ZNF597: variants seen among roughly 807,000 people sequenced by gnomAD.
ZNF597 encodes zinc finger protein 597.
Under a neutral mutation model 7.3 loss-of-function variants are expected in ZNF597, and 5 were observed. The ratio of observed to expected loss-of-function variants is 0.68; its 90% CI spans 0.36 to 1.44. ZNF597 has a LOEUF of 1.44. Among genes scored for constraint, ZNF597 ranks in the 40% most tolerant of loss-of-function variants. The pLI is 0.04. For synonymous variants in ZNF597, 209 were observed against 185.4 expected, an observed-to-expected ratio of 1.13 and a Z score of -1.04; for missense variants, 585 against 517.9, an observed-to-expected ratio of 1.13 and a Z score of -1.26.
At chr16:3,443,335 C>A in intron 1 of ZNF597, 25 bp downstream of exon 1, 1 of 625,448 alleles carries the variant, frequency 1.6e-6, no homozygotes, top group Non-Finnish European at 2.7e-6. Flanking sequence ...TCCTCTTGGC[C>A]CGGCCTCGAA....
intron 1 of ZNF597, 73 bp from the exon 2 acceptor site, chr16:3,443,279 T>TCGATTCCCTC (rs1452012067): frequency 1.0e-6 from 1 of 953,958 alleles, no homozygotes; most frequent in East Asian, 2.8e-5. Context: ...CTAGCCTCCC[T>TCGATTCCCTC]CGATTCCCTC....
chr16:3,437,183 A>C lies in ZNF597; in HGVS notation c.516T>G (p.Val172=), dbSNP rs765770595. The C allele has an allele frequency of 1.4e-5, 22 of 1,614,048 alleles. No homozygotes were observed. The highest frequency in any genetic ancestry group is 1.7e-5 in the Non-Finnish European group (20 of 1,180,042). The part of the protein sequence containing the change: ...DQNFSDHSYL[V]LHQKIHSGEK... ...CTCCTGAATGAATTTTCTGATGCAA[A>C]ACTAGGTATGAATGATCGCTGAAGT... The change falls in exon 4 of 4, where the codon GTT becomes GTG. Residue 172 remains valine, a synonymous_variant. Transcript: ENST00000301744.
chr16:3,439,181 C>G (rs2034337242), intron 3 of ZNF597, among the ~76,000 whole-genome samples: 1 of 151,910 alleles, frequency 6.6e-6, no homozygotes, highest in Non-Finnish European at 1.5e-5. Flanking sequence ...GAGCTCGAGA[C>G]CAGCCTGGGC....
chr16:3,441,178 T>C (rs1295867151), intron 2 of ZNF597, among the ~76,000 whole-genome samples: 1 of 152,176 alleles, frequency 6.6e-6, no homozygotes, highest in African/African-American at 2.4e-5. Flanking sequence ...TGAGAATTAT[T>C]GTCTATCTTG....
At chr16:3,443,057 G>A in intron 2 of ZNF597, 64 bp downstream of exon 2, 7 of 1,602,866 alleles carry the variant, frequency 4.4e-6, no homozygotes, top group Non-Finnish European at 6.0e-6. Flanking sequence ...CTCCTCCAAA[G>A]GAGGGGGTCA....
chr16:3,433,666 T>C lies in ZNF597; in HGVS notation c.*2758A>G, dbSNP rs2034274199. The stretch of plus-strand genomic sequence containing the variant: ...TAAACAGAAGGGTGAAATGCCATCA[T>C]CATAAAAAGCCTGAAGCTCACCAGC... On this transcript the variant is annotated 3_prime_UTR_variant, in exon 4 of 4. Transcript: ENST00000301744. 6.6e-6 allele frequency: 1 copy of C among 152,240 alleles called. No individual in the cohort carries two copies. Among genetic ancestry groups the C allele is most frequent in the Non-Finnish European group, 1.5e-5 (1 of 68,038 alleles). The allele number at this position is 152,240 out of a possible 1,614,324, so 9.4% of individuals were successfully genotyped here.
In ZNF597 at chr16:3,441,029, C is replaced by A. The variant is rs78646901; in HGVS notation, c.34-96G>T. On this transcript the variant is annotated intron_variant, in intron 2 of 3. Transcript: ENST00000301744. Reference sequence around the variant, plus strand: ...AAAAGAGCTAGAAACATCAGATGCACGGGATAAAAGGCTCGGTGTAAAAGG... The same window carrying A: ...AAAAGAGCTAGAAACATCAGATGCAAGGGATAAAAGGCTCGGTGTAAAAGG... The A allele has an allele frequency of 4.5e-3, 6,745 of 1,496,898 alleles. 247 individuals are homozygous for A. In the African/African-American group the frequency reaches 0.084, roughly 19 times the overall value. The allele number at this position is 1,496,898 out of a possible 1,614,324, so 92.7% of individuals were successfully genotyped here. A position where few individuals can be genotyped will look rare whatever the true frequency, so the allele number is the denominator to read the frequency against.
chr16:3,439,128 C>T (rs1291245050), intron 3 of ZNF597, among the ~76,000 whole-genome samples: 1 of 152,098 alleles, frequency 6.6e-6, no homozygotes, highest in Non-Finnish European at 1.5e-5. Context: ...CCTGTAATCC[C>T]AGCACATTGG....
At chr16:3,443,008 G>C in intron 2 of ZNF597, 113 bp downstream of exon 2, 1 of 1,288,864 alleles carries the variant, frequency 7.8e-7, no homozygotes, top group Admixed American at 1.7e-5. Flanking sequence ...GGCTATTTGG[G>C]GCTCAGGAGC....
chr16:3,440,063 C>G (rs996429266), intron 3 of ZNF597, among the ~76,000 whole-genome samples: 2 of 151,948 alleles, frequency 1.3e-5, no homozygotes, highest in African/African-American at 4.8e-5. Context: ...TTTAGAATAA[C>G]TACTTAGAAT....
rs542463824 is a variant in ZNF597, at chr16:3,434,451, G to A, written c.*1973C>T. On this transcript the variant is annotated 3_prime_UTR_variant, in exon 4 of 4. Coordinates refer to ENST00000301744, the MANE Select transcript of ZNF597 (RefSeq NM_152457.3). ...AGCACCTCAGAGAAACCTGGAAGCT[G>A]GTGTCCTGTCTCCTAAGAGTGGAGA... is the stretch of plus-strand genomic sequence containing the variant. The A allele has an allele frequency of 1.3e-5, 2 of 152,340 alleles. No individual in the cohort carries two copies. Among genetic ancestry groups the A allele is most frequent in the African/African-American group, 4.8e-5 (2 of 41,570 alleles). The allele number at this position is 152,340 out of a possible 1,614,324, so 9.4% of individuals were successfully genotyped here. A position where few individuals can be genotyped will look rare whatever the true frequency, so the allele number is the denominator to read the frequency against.
chr16:3,441,713 C>T (rs534292072), intron 2 of ZNF597, among the ~76,000 whole-genome samples: 4 of 151,338 alleles, frequency 2.6e-5, no homozygotes, highest in Admixed American at 1.3e-4. Context: ...GAGCTGAGAT[C>T]GTGCCACTGC....
At position 3,436,984 on chromosome 16, in the gene ZNF597, G is replaced by A. The variant is rs1351635219; in HGVS notation, c.715C>T (p.Pro239Ser). Residue 239 changes from proline (P) to serine (S), a missense_variant, in exon 4 of 4, where the codon CCC (proline) becomes TCC (serine). Transcript: ENST00000301744. ...RHMNSHVKEK[P>S]YTCSICGRGF... ...CTACCACATATGCTACATGTATAGG[G>A]CTTCTCCTTTACGTGGCTATTCATG... 2 of 1,614,178 alleles carry A rather than the reference G, an allele frequency of 1.2e-6. No homozygotes were observed.
rs920313609 is a variant in ZNF597, at chr16:3,436,428, G to A, written c.1271C>T (p.Thr424Met). ...THKRTHIKNT[T>M] Reference sequence around the variant, plus strand: ...TAACAATTTGTTATATTTACTTTACGTGGTGTTTTTTATGTGAGTTCGCTT... The same window carrying A: ...TAACAATTTGTTATATTTACTTTACATGGTGTTTTTTATGTGAGTTCGCTT... The change falls in exon 4 of 4, where the codon ACG becomes ATG. Residue 424 changes from threonine (T) to methionine (M), a missense_variant. By Grantham distance (81) the Thr-to-Met change is moderately conservative. Coordinates refer to ENST00000301744, the MANE Select transcript of ZNF597 (RefSeq NM_152457.3). 17 of 1,611,532 alleles carry A rather than the reference G, an allele frequency of 1.1e-5. No homozygotes were observed. Among genetic ancestry groups the A allele is most frequent in the African/African-American group, 2.7e-5 (2 of 74,722 alleles).
Position 3,436,833 on chromosome 16 carries a change from G to T in ZNF597, c.866C>A (p.Thr289Lys), listed in dbSNP as rs1681019029. ...EKPNLALPEE[T>K]FVSGPQYQHT... ...CTGGTACTGGGGGCCTGATACGAAT[G>T]TTTCCTCAGGCAAAGCAAGATTTGG... Residue 289 changes from threonine (T) to lysine (K), a missense_variant, in exon 4 of 4, where the codon ACA (threonine) becomes AAA (lysine). Transcript: ENST00000301744. 6.2e-7 allele frequency: 1 copy of T among 1,613,802 alleles called. No homozygotes were observed. Among genetic ancestry groups the T allele is most frequent in the Non-Finnish European group, 8.5e-7 (1 of 1,180,046 alleles).
At chr16:3,442,379 C>T (rs1301749530) in intron 2 of ZNF597, among the ~76,000 whole-genome samples, 1 of 152,052 alleles carries the variant, frequency 6.6e-6, no homozygotes, top group African/African-American at 2.4e-5. Context: ...ACTCCATCTC[C>T]ATAAAGAAGT....
At chr16:3,442,997 G>C in intron 2 of ZNF597, 124 bp downstream of exon 2, 7 of 1,126,798 alleles carry the variant, frequency 6.2e-6, no homozygotes, top group Non-Finnish European at 8.1e-6. Flanking sequence ...CTTGGTCAAA[G>C]GGCTATTTGG....
At position 3,440,919 on chromosome 16, in the gene ZNF597, A is replaced by G. The variant is rs759754321; in HGVS notation, c.48T>C (p.Phe16=). ...PTPEAQGPIL[F]EDLAVYFSQE... ...GAGAAAAATACACAGCCAGATCCTC[A>G]AAGAGTATTGGTCCCTGAAACACAA... is the stretch of plus-strand genomic sequence containing the variant. The change falls in exon 3 of 4, where the codon TTT becomes TTC. Residue 16 remains phenylalanine, a synonymous_variant. Transcript: ENST00000301744. The G allele has an allele frequency of 6.2e-7, 1 of 1,613,896 alleles. No individual in the cohort carries two copies. Among genetic ancestry groups the G allele is most frequent in the Non-Finnish European group, 8.5e-7 (1 of 1,179,862 alleles).
chr16:3,443,469 C>T lies in ZNF597; in HGVS notation c.-163G>A, dbSNP rs1359317748. 2 of 524,796 alleles carry T rather than the reference C, an allele frequency of 3.8e-6. No homozygotes were observed. The highest frequency in any genetic ancestry group is 2.0e-5 in the African/African-American group (1 of 50,814). 32.5% of individuals were successfully genotyped at this position (524,796 alleles called of 1,614,324 possible). A position where few individuals can be genotyped will look rare whatever the true frequency, so the allele number is the denominator to read the frequency against. On this transcript the variant is annotated 5_prime_UTR_variant, in exon 1 of 4. Coordinates refer to ENST00000301744, the MANE Select transcript of ZNF597 (RefSeq NM_152457.3). ...ACGGCCACTGCAAAACTCCCACGCT[C>T]TCATGCTCCTTTACGCAGGAGCTGC... is the stretch of plus-strand genomic sequence containing the variant.
Sources: allele counts gnomAD v4.1 joint callset (sites outside exome capture counted in the v4.1 genomes callset), GRCh38; gene constraint gnomAD v4.1.1; transcripts MANE v1.5; gene names NCBI Gene and HGNC (gene_info 2026-07-23, HGNC 2026-07-21).